SPATA22: variants seen among roughly 807,000 people sequenced by gnomAD.
SPATA22 encodes the protein spermatogenesis-associated protein 22.
SPATA22 carries 29 observed loss-of-function variants against 47.8 expected under a neutral mutation model. That is an observed-to-expected ratio of 0.61 (90% CI 0.45 to 0.83). The LOEUF (loss-of-function observed/expected upper bound fraction) is 0.83. Ranked by LOEUF, SPATA22 falls within the 40% of genes least tolerant of loss-of-function variation. The pLI, the probability that SPATA22 is intolerant of heterozygous loss-of-function variation, is 0.00. For synonymous variants in SPATA22, 133 were observed against 140.9 expected (o/e 0.94, Z 0.40); for missense variants, 410 against 421.7 (o/e 0.97, Z 0.24).
intron 1 of SPATA22, among the ~76,000 whole-genome samples, chr17:3,497,401 G>A (rs2073927522): frequency 6.6e-6 from 1 of 152,196 alleles, no homozygotes; most frequent in Non-Finnish European, 1.5e-5. Context: ...GGGATTCGAG[G>A]AGGTGGCTGA....
At chr17:3,469,669 C>G (rs1268017007) in intron 1 of SPATA22, among the ~76,000 whole-genome samples, 1 of 152,092 alleles carries the variant, frequency 6.6e-6, no homozygotes, top group Non-Finnish European at 1.5e-5. Context: ...AATCCCGCAC[C>G]CACAAAGAGA....
intron 1 of SPATA22, among the ~76,000 whole-genome samples, chr17:3,509,360 T>G (rs1219087609): frequency 6.6e-6 from 1 of 152,026 alleles, no homozygotes. Context: ...TGTTCCCGTC[T>G]CTGTGTCCAT....
In SPATA22 at chr17:3,471,760, G is replaced by C. The variant is rs933661814; in HGVS notation, c.-152C>G. On this transcript the variant is annotated 5_prime_UTR_variant, in exon 1 of 9. Transcript: ENST00000572969. ...GTTTCCCTCGCCTCCGTCAACCGTC[G>C]TCCAGGCGGCCCCGTCAGCAACCGC... 2.0e-6 allele frequency: 2 copies of C among 985,496 alleles called. No homozygotes were observed. Among genetic ancestry groups the C allele is most frequent in the Non-Finnish European group, 2.4e-6 (2 of 830,132 alleles). The allele number at this position is 985,496 out of a possible 1,614,324, so 61.0% of individuals were successfully genotyped here.
At chr17:3,486,885 A>C (rs1159300614) in intron 1 of SPATA22, among the ~76,000 whole-genome samples, 1 of 152,208 alleles carries the variant, frequency 6.6e-6, no homozygotes, top group Non-Finnish European at 1.5e-5. Flanking sequence ...CTCATATCAG[A>C]GCAGAATATT....
At chr17:3,456,963 A>G (rs2073013501) in intron 5 of SPATA22, among the ~76,000 whole-genome samples, 1 of 151,450 alleles carries the variant, frequency 6.6e-6, no homozygotes, top group Admixed American at 6.6e-5. Context: ...GATTATCTCA[A>G]TAGATGCAGA....
intron 5 of SPATA22, among the ~76,000 whole-genome samples, chr17:3,453,354 G>T (rs1370666492): frequency 6.6e-6 from 1 of 152,122 alleles, no homozygotes; most frequent in Non-Finnish European, 1.5e-5. Context: ...GGGATGCAAG[G>T]TTGGTTTAAC....
In SPATA22 at chr17:3,491,516, G is replaced by A. The variant is rs113446805; in HGVS notation, c.-74+21896C>T. On this transcript the variant is annotated intron_variant, in intron 1 of 8. Coordinates refer to the SPATA22 transcript ENST00000541913. Reference sequence around the variant, plus strand: ...AATCCTTGCACTTTGGGAGGCTGAGGCAGGCAGATCACTTGAGGTCAGGAG... The same window carrying A: ...AATCCTTGCACTTTGGGAGGCTGAGACAGGCAGATCACTTGAGGTCAGGAG... Among the ~76,000 whole-genome samples the A allele has an allele frequency of 3.2e-3, 493 of 152,270 alleles. 4 individuals are homozygous for A. Among genetic ancestry groups the A allele is most frequent in the African/African-American group, 0.011 (465 of 41,568 alleles).
intron 7 of SPATA22, among the ~76,000 whole-genome samples, chr17:3,443,553 G>A (rs1481224830): frequency 6.6e-6 from 1 of 151,892 alleles, no homozygotes; most frequent in Non-Finnish European, 1.5e-5. Context: ...AGAATGTGTA[G>A]TACAGAGTGG....
intron 1 of SPATA22, among the ~76,000 whole-genome samples, chr17:3,492,709 G>A (rs1483114820): frequency 5.3e-5 from 8 of 152,150 alleles, no homozygotes; most frequent in Non-Finnish European, 1.2e-4. Context: ...AGCCTTTGAG[G>A]TGGAAAACTC....
chr17:3,443,692 C>A (rs1426357285), intron 7 of SPATA22, among the ~76,000 whole-genome samples: 1 of 151,984 alleles, frequency 6.6e-6, no homozygotes, highest in African/African-American at 2.4e-5. Context: ...GTCCCAGGTA[C>A]TTCAACTTAC....
rs761096393 is a variant in SPATA22, at chr17:3,462,687, G to A, written c.233+20C>T. The stretch of plus-strand genomic sequence containing the variant: ...GTTAGTAACAGACACACATCCAATG[G>A]TTTATATTTCTCCACATACCCGGTG... On this transcript the variant is annotated intron_variant, in intron 4 of 8. Coordinates refer to ENST00000572969, the MANE Select transcript of SPATA22 (RefSeq NM_001170698.2). 4 of 1,604,372 alleles carry A rather than the reference G, an allele frequency of 2.5e-6. No individual in the cohort carries two copies. The highest frequency in any genetic ancestry group is 3.4e-6 in the Non-Finnish European group (4 of 1,171,350).
Position 3,440,440 on chromosome 17 carries a change from T to C in SPATA22, c.901-102A>G, listed in dbSNP as rs544706978. On this transcript the variant is annotated intron_variant, in intron 8 of 8. Coordinates refer to ENST00000572969, the MANE Select transcript of SPATA22 (RefSeq NM_001170698.2). ...CAACTAAACATGTGCCACCTCAAAATGCTATAATTCCTTCACGTGAGTCAG... is the reference window on the plus strand; with the variant it reads ...CAACTAAACATGTGCCACCTCAAAACGCTATAATTCCTTCACGTGAGTCAG... The C allele has an allele frequency of 7.0e-5, 69 of 980,448 alleles. No individual in the cohort carries two copies. In the Admixed American group the frequency reaches 1.2e-3, roughly 17 times the overall value. The allele number at this position is 980,448 out of a possible 1,614,324, so 60.7% of individuals were successfully genotyped here.
At position 3,458,988 on chromosome 17, in the gene SPATA22, T is replaced by C. The variant is rs117515093; in HGVS notation, c.329+3495A>G. On this transcript the variant is annotated intron_variant, in intron 5 of 8. Transcript: ENST00000572969. ...CATTAAAAAGAAGTAAATCCTGCCA[T>C]TTTTGACAACATGGATGAACCTAGA... 6.6e-5 allele frequency among the ~76,000 whole-genome samples: 10 copies of C among 152,070 alleles called. No homozygotes were observed. In the East Asian group the frequency reaches 1.9e-3, roughly 29 times the overall value.
chr17:3,465,206 C>T (rs1278209275), intron 3 of SPATA22, among the ~76,000 whole-genome samples: 5 of 139,894 alleles, frequency 3.6e-5, no homozygotes, highest in African/African-American at 7.9e-5. Context: ...AGGTGAGGGG[C>T]GCCTCTGCCC....
In SPATA22 at chr17:3,511,645, A is replaced by G. The variant is rs4790504; in HGVS notation, c.-74+1767T>C. 0.9 allele frequency: 137,066 copies of G among 152,232 alleles called. 62,611 individuals carry two copies. The highest frequency in any genetic ancestry group is 0.98 in the Non-Finnish European group (66,738 of 68,042). 9.4% of individuals were successfully genotyped at this position (152,232 alleles called of 1,614,324 possible). On this transcript the variant is annotated intron_variant, in intron 1 of 8. Coordinates refer to the SPATA22 transcript ENST00000541913. ...GAAAATGGTCTTGCCAACAAATTCC[A>G]TCCAGACCCACAGACAGCAGATCAC...
rs534751448 is a variant in SPATA22 at position 3,465,098 on chromosome 17, C to T, written c.172+2328G>A. On this transcript the variant is annotated intron_variant, in intron 3 of 8. Coordinates refer to ENST00000572969, the MANE Select transcript of SPATA22 (RefSeq NM_001170698.2). ...TCAGCCCCTCCACCCGGCAGCCACC[C>T]CGTCTGGGAAGTGAGGAGCGTCTCC... Among the ~76,000 whole-genome samples the T allele has an allele frequency of 3.6e-4, 48 of 133,690 alleles. 5 individuals carry two copies. The highest frequency in any genetic ancestry group is 6.6e-4 in the Non-Finnish European group (40 of 60,338). 87.7% of individuals were successfully genotyped at this position (133,690 alleles called of 152,430 possible).
chr17:3,473,772 A>G (rs1031007578), upstream of SPATA22, among the ~76,000 whole-genome samples: 2 of 152,170 alleles, frequency 1.3e-5, no homozygotes, highest in Admixed American at 1.3e-4. Context: ...TGCTGGGATT[A>G]CAAGCATGAG....
Position 3,489,221 on chromosome 17 carries a change from C to T in SPATA22, c.-73-19823G>A, listed in dbSNP as rs756844626. On this transcript the variant is annotated intron_variant, in intron 1 of 8. Coordinates refer to the SPATA22 transcript ENST00000541913. The stretch of plus-strand genomic sequence containing the variant: ...TACTTATATAAATGTGACTATCTCT[C>T]CTTCTGTACCTAGGTATAGAAGTTG... 7.5e-6 allele frequency: 11 copies of T among 1,462,946 alleles called. No homozygotes were observed. The highest frequency in any genetic ancestry group is 1.1e-5 in the South Asian group (1 of 87,354). The allele number at this position is 1,462,946 out of a possible 1,614,324, so 90.6% of individuals were successfully genotyped here. A position where few individuals can be genotyped will look rare whatever the true frequency, so the allele number is the denominator to read the frequency against.
chr17:3,505,130 C>T (rs2074029235), intron 1 of SPATA22, among the ~76,000 whole-genome samples: 1 of 118,412 alleles, frequency 8.4e-6, no homozygotes, highest in African/African-American at 3.0e-5. Context: ...CCCATCTCCA[C>T]ACTTCCATTA....
Sources: gnomAD v4.1 joint callset for allele counts (sites outside exome capture counted in the v4.1 genomes callset) on GRCh38, gnomAD v4.1.1 for gene constraint, MANE v1.5 for transcripts, NCBI Gene and HGNC (gene_info 2026-07-23, HGNC 2026-07-21) for gene names.